The following PIK3AP1 variants were observed in gnomAD, a reference collection of about 807,000 sequenced individuals.
PIK3AP1 encodes phosphoinositide-3-kinase adaptor protein 1, also known as phosphoinositide 3-kinase adapter protein 1.
A neutral mutation model predicts 88.1 loss-of-function variants in PIK3AP1; 21 were observed. The observed-to-expected ratio is 0.24, with a 90% CI of 0.17 to 0.34. The LOEUF is 0.34. Ranked by LOEUF, PIK3AP1 falls within the 10% of genes least tolerant of loss-of-function variation. The pLI is 1.00. For missense variants in PIK3AP1, 828 were observed against 1,035.7 expected (o/e 0.80, Z 2.75); for synonymous variants, 398 against 400.0 (o/e 1.00, Z 0.06).
At chr10:96,633,199 A>T in intron 8 of PIK3AP1, 1 of 963,866 alleles carries the variant, frequency 1.0e-6, no homozygotes, top group Non-Finnish European at 1.5e-6. Context: ...TCCTGTACAG[A>T]TCCTCCCAGT....
intron 1 of PIK3AP1, among the ~76,000 whole-genome samples, chr10:96,712,647 C>T (rs929094202): frequency 2.6e-5 from 4 of 152,250 alleles, no homozygotes; most frequent in Admixed American, 1.3e-4. Context: ...TTCTTTCTGT[C>T]CTTCCTTCCT....
intron 2 of PIK3AP1, among the ~76,000 whole-genome samples, chr10:96,702,378 A>T (rs1844308580): frequency 6.6e-6 from 1 of 151,940 alleles, no homozygotes; most frequent in African/African-American, 2.4e-5. Flanking sequence ...ACGTGCCTGT[A>T]GTCCCAGCTA....
Position 96,620,341 on chromosome 10 carries a change from A to G in PIK3AP1, c.1941+11T>C. ...ATAGACATGAAACAAATTCCATACG[A>G]AGCTAGTTACCTGCTGGAAACGAAA... On this transcript the variant is annotated intron_variant, in intron 12 of 16. Transcript: ENST00000339364. 2 of 1,613,296 alleles carry G rather than the reference A, an allele frequency of 1.2e-6. No homozygotes were observed. The highest frequency in any genetic ancestry group is 1.7e-6 in the Non-Finnish European group (2 of 1,179,354).
chr10:96,597,632 T>G (rs1459954534), intron 16 of PIK3AP1, among the ~76,000 whole-genome samples: 1 of 152,116 alleles, frequency 6.6e-6, no homozygotes, highest in African/African-American at 2.4e-5. Context: ...CCTCTGCAAT[T>G]GTTTTCTCAT....
At chr10:96,632,894 A>G (rs768838484) in intron 8 of PIK3AP1, 6 of 1,612,076 alleles carry the variant, frequency 3.7e-6, no homozygotes, top group Non-Finnish European at 8.5e-7. Flanking sequence ...TCACAAGATG[A>G]CCCTGGGACA....
chr10:96,656,082 G>A (rs1055404562), intron 3 of PIK3AP1, among the ~76,000 whole-genome samples: 2 of 152,194 alleles, frequency 1.3e-5, no homozygotes, highest in Admixed American at 6.5e-5. Flanking sequence ...TCGCCTCAAG[G>A]AGCCTGCAAA....
rs1843542547 is a variant in PIK3AP1 at position 96,651,797 on chromosome 10, A to AGTGAC, written c.713-147_713-146insGTCAC. 3.2e-6 allele frequency: 3 copies of AGTGAC among 928,608 alleles called. No individual in the cohort carries two copies. In the African/African-American group the frequency reaches 5.0e-5, roughly 15 times the overall value. 57.5% of individuals were successfully genotyped at this position (928,608 alleles called of 1,614,324 possible). The stretch of plus-strand genomic sequence containing the variant: ...GATCTTGGAGGTGAGCTGGGGCGGG[A>AGTGAC]GTGAGGGAAAGGGTGGAGGTAGCAG... On this transcript the variant is annotated intron_variant, in intron 4 of 16. Transcript: ENST00000339364.
At chr10:96,643,057 C>G (rs932667399) in intron 8 of PIK3AP1, among the ~76,000 whole-genome samples, 2 of 152,152 alleles carry the variant, frequency 1.3e-5, no homozygotes, top group African/African-American at 4.8e-5. Context: ...CCCACTTCCC[C>G]GCCTGTATCT....
chr10:96,691,328 G>T (rs72824454), intron 2 of PIK3AP1, among the ~76,000 whole-genome samples: 5,265 of 152,188 alleles, frequency 0.035, 133 homozygotes, highest in South Asian at 0.068. Context: ...GCCACTGTTC[G>T]CAAGGGAAAC....
intron 2 of PIK3AP1, among the ~76,000 whole-genome samples, chr10:96,660,098 T>C (rs1402209962): frequency 6.6e-6 from 1 of 152,078 alleles, no homozygotes; most frequent in East Asian, 1.9e-4. Flanking sequence ...CCATAAAAAC[T>C]TAATATGGGA....
intron 8 of PIK3AP1, among the ~76,000 whole-genome samples, chr10:96,639,167 C>T (rs1048239317): frequency 1.3e-5 from 2 of 152,164 alleles, no homozygotes; most frequent in Non-Finnish European, 2.9e-5. Context: ...GTCTCACACT[C>T]GGGGACACCT....
intron 15 of PIK3AP1, among the ~76,000 whole-genome samples, chr10:96,603,279 C>T (rs1037201618): frequency 1.3e-5 from 2 of 152,082 alleles, no homozygotes; most frequent in Non-Finnish European, 2.9e-5. Context: ...TTTTCATCAC[C>T]CCAAAAAGAA....
chr10:96,699,152 C>A (rs186550489), intron 2 of PIK3AP1, among the ~76,000 whole-genome samples: 7 of 152,102 alleles, frequency 4.6e-5, no homozygotes, highest in Non-Finnish European at 7.4e-5. Flanking sequence ...CCACTGCACT[C>A]CAGCCTGGGA....
chr10:96,663,502 C>T (rs1047511321), intron 2 of PIK3AP1, among the ~76,000 whole-genome samples: 30 of 151,708 alleles, frequency 2.0e-4, no homozygotes, highest in African/African-American at 6.3e-4. Context: ...TGGTGGTATA[C>T]GCCTGTAATC....
intron 8 of PIK3AP1, 143 bp downstream of exon 8, chr10:96,645,330 C>T (rs1843443741): frequency 1.3e-6 from 1 of 773,192 alleles, no homozygotes; most frequent in Non-Finnish European, 2.0e-6. Context: ...TGACTCCAGC[C>T]CTAGCTTTGT....
At chr10:96,631,577 A>G (rs1349035625) in intron 8 of PIK3AP1, among the ~76,000 whole-genome samples, 1 of 152,244 alleles carries the variant, frequency 6.6e-6, no homozygotes, top group Non-Finnish European at 1.5e-5. Flanking sequence ...GGGAGGAGTT[A>G]AAGAAAGAAC....
At chr10:96,712,625 A>G (rs1027931018) in intron 1 of PIK3AP1, among the ~76,000 whole-genome samples, 1 of 152,244 alleles carries the variant, frequency 6.6e-6, no homozygotes, top group Non-Finnish European at 1.5e-5. Flanking sequence ...AAATTATCAG[A>G]ATATATTTAC....
At chr10:96,672,289 G>A (rs1843858150) in intron 2 of PIK3AP1, among the ~76,000 whole-genome samples, 1 of 152,178 alleles carries the variant, frequency 6.6e-6, no homozygotes, top group Non-Finnish European at 1.5e-5. Context: ...CTGCACATCG[G>A]TGAATTTGCA....
In PIK3AP1 at chr10:96,709,775, C is replaced by T. The variant is rs1245301716; in HGVS notation, c.222G>A (p.Glu74=). Residue 74 remains glutamate (E), a synonymous_variant, in exon 2 of 17, where the codon GAG becomes GAA. Coordinates refer to ENST00000339364, the MANE Select transcript of PIK3AP1 (RefSeq NM_152309.3). The part of the protein sequence containing the change: ...TRCVVVLLSA[E]LVQHFHKPAL... Reference sequence around the variant, plus strand: ...CGGGCTTGTGGAAGTGCTGCACCAGCTCCGCGGACAGCAGCACCACGACAC... The same window carrying T: ...CGGGCTTGTGGAAGTGCTGCACCAGTTCCGCGGACAGCAGCACCACGACAC... 1 of 1,613,560 alleles carries T rather than the reference C, an allele frequency of 6.2e-7. No homozygotes were observed. The highest frequency in any genetic ancestry group is 8.5e-7 in the Non-Finnish European group (1 of 1,179,716).
Sources: allele counts gnomAD v4.1 joint callset (sites outside exome capture counted in the v4.1 genomes callset), GRCh38; gene constraint gnomAD v4.1.1; transcripts MANE v1.5; gene names NCBI Gene and HGNC (gene_info 2026-07-23, HGNC 2026-07-21).